Variants in PFKP observed in about 807,000 individuals in gnomAD.
PFKP encodes the protein ATP-dependent 6-phosphofructokinase, platelet type.
PFKP carries 101 observed loss-of-function variants against 94.3 expected under a neutral mutation model. That is an observed-to-expected ratio of 1.07 (90% CI 0.91 to 1.26). The LOEUF is 1.26. Ranked by LOEUF, PFKP falls within the 50% of genes most tolerant of loss-of-function variation. PFKP has a pLI of 0.00. For synonymous variants in PFKP, 573 were observed against 432.6 expected (o/e 1.32, Z -4.03); for missense variants, 1,145 against 1,103.3 (o/e 1.04, Z -0.53).
chr10:3,115,514 CACA>C (rs1836745790), intron 13 of PFKP, among the ~76,000 whole-genome samples: 2 of 145,732 alleles, frequency 1.4e-5, no homozygotes, highest in African/African-American at 2.7e-5. Flanking sequence ...GTGTGTGTCC[CACA>C]GCTGAGGATA....
intron 2 of PFKP, among the ~76,000 whole-genome samples, chr10:3,084,838 AGTCCTCCACCCCCTCCCCAGCACG>A (rs1833385758): frequency 9.5e-6 from 1 of 105,752 alleles, no homozygotes; most frequent in Non-Finnish European, 1.9e-5. Context: ...TCCCAAGCAC[AGTCCTCCACCCCCTCCCCAGCACG>A]GTCCCCCACT....
chr10:3,122,114 C>T (rs776281204), intron 16 of PFKP, among the ~76,000 whole-genome samples: 10 of 152,064 alleles, frequency 6.6e-5, no homozygotes, highest in African/African-American at 1.4e-4. Context: ...TGAGCCACCG[C>T]GCCGGGCCTG....
chr10:3,093,678 C>G (rs967739323), intron 2 of PFKP, among the ~76,000 whole-genome samples: 2 of 121,986 alleles, frequency 1.6e-5, no homozygotes, highest in Admixed American at 1.9e-4. Context: ...GAGTCTTGCT[C>G]TGTCACCCAG....
intron 3 of PFKP, chr10:3,101,081 G>GCC: frequency 8.8e-7 from 1 of 1,138,946 alleles, no homozygotes; most frequent in Non-Finnish European, 1.3e-6. Flanking sequence ...TGACACCGCA[G>GCC]GCTGGTTCCT....
At position 3,101,807 on chromosome 10, in the gene PFKP, A is replaced by G. The variant is rs148437428; in HGVS notation, c.454+253A>G. On this transcript the variant is annotated intron_variant, in intron 4 of 21. Coordinates refer to ENST00000381125, the MANE Select transcript of PFKP (RefSeq NM_002627.5). ...GCTTTATGGAATCCTCACGACAGCC[A>G]TCTAAGCCAGGTTTTAGATCATCCC... 9.2e-5 allele frequency among the ~76,000 whole-genome samples: 14 copies of G among 152,324 alleles called. No individual in the cohort carries two copies. In the East Asian group the frequency reaches 2.7e-3, roughly 29 times the overall value.
chr10:3,132,309 C>CT (rs397780672), intron 17 of PFKP, 71 bp from the exon 18 acceptor site: 11 of 1,145,874 alleles, frequency 9.6e-6, no homozygotes, highest in Non-Finnish European at 1.3e-5. Flanking sequence ...ACTTCCCAGC[C>CT]TGCAGTGCCT....
intron 1 of PFKP, among the ~76,000 whole-genome samples, chr10:3,076,515 A>G (rs1357081233): frequency 6.6e-6 from 1 of 151,924 alleles, no homozygotes; most frequent in African/African-American, 2.4e-5. Context: ...CCGATTGTCA[A>G]TGGCAGCCCC....
intron 4 of PFKP, 146 bp from the exon 5 acceptor site, chr10:3,103,633 A>G (rs903243013): frequency 5.0e-6 from 4 of 806,844 alleles, no homozygotes; most frequent in African/African-American, 3.5e-5. Context: ...TCTCAGAAAA[A>G]TGATAATAAA....
chr10:3,136,663 A>G lies in PFKP; in HGVS notation c.*84A>G. On this transcript the variant is annotated 3_prime_UTR_variant, in exon 22 of 22. Coordinates refer to ENST00000381125, the MANE Select transcript of PFKP (RefSeq NM_002627.5). ...AAGTTATTTTATCAGCACTTTATGC[A>G]CGTATTATTGACATTAATACCTAAT... The G allele has an allele frequency of 6.8e-7, 1 of 1,464,502 alleles. No homozygotes were observed. The highest frequency in any genetic ancestry group is 9.4e-7 in the Non-Finnish European group (1 of 1,065,620). The allele number at this position is 1,464,502 out of a possible 1,614,324, so 90.7% of individuals were successfully genotyped here. A position where few individuals can be genotyped will look rare whatever the true frequency, so the allele number is the denominator to read the frequency against.
At chr10:3,112,692 C>T (rs1025932257) in intron 11 of PFKP, among the ~76,000 whole-genome samples, 4 of 152,138 alleles carry the variant, frequency 2.6e-5, no homozygotes, top group East Asian at 1.9e-4. Flanking sequence ...CAAGTAGCTG[C>T]GACTACCAGC....
intron 17 of PFKP, 53 bp downstream of exon 17, chr10:3,130,036 T>C: frequency 6.7e-7 from 1 of 1,488,924 alleles, no homozygotes. Context: ...CACTGGGTGC[T>C]GCGGAGTGAA....
At chr10:3,134,944 C>T (rs1839054635) in intron 20 of PFKP, among the ~76,000 whole-genome samples, 1 of 152,182 alleles carries the variant, frequency 6.6e-6, no homozygotes, top group African/African-American at 2.4e-5. Flanking sequence ...TGTGACTATC[C>T]ATCAAAACTT....
At chr10:3,096,053 G>C (rs1264797274) in intron 2 of PFKP, among the ~76,000 whole-genome samples, 1 of 152,190 alleles carries the variant, frequency 6.6e-6, no homozygotes, top group African/African-American at 2.4e-5. Context: ...GTGGTTTGCA[G>C]AGCAGTTTTC....
intron 1 of PFKP, among the ~76,000 whole-genome samples, chr10:3,072,912 G>A (rs1478400814): frequency 6.6e-6 from 1 of 152,002 alleles, no homozygotes; most frequent in Admixed American, 6.6e-5. Flanking sequence ...ATAGAACAGA[G>A]GGCCGTATGT....
intron 2 of PFKP, among the ~76,000 whole-genome samples, chr10:3,094,499 G>A (rs1347892775): frequency 2.0e-5 from 3 of 152,192 alleles, no homozygotes; most frequent in Admixed American, 2.0e-4. Context: ...TGCTTTGCTG[G>A]GGTGATTGGT....
intron 15 of PFKP, 130 bp from the exon 16 acceptor site, chr10:3,119,762 G>GTGGTCGTCGGATCATTAAAAAAAA: frequency 1.5e-6 from 1 of 664,016 alleles, no homozygotes; most frequent in Non-Finnish European, 2.6e-6. Context: ...GTTGATCTCG[G>GTGGTCGTCGGATCATTAAAAAAAA]AGTGTTTTCG....
chr10:3,112,505 A>G (rs146407031), intron 11 of PFKP, among the ~76,000 whole-genome samples: 4 of 152,330 alleles, frequency 2.6e-5, no homozygotes, highest in African/African-American at 9.6e-5. Flanking sequence ...TGGTAAGGTG[A>G]TGGTTGTTTA....
chr10:3,128,466 T>C (rs1445264514), intron 16 of PFKP, among the ~76,000 whole-genome samples: 1 of 151,404 alleles, frequency 6.6e-6, no homozygotes, highest in Admixed American at 6.6e-5. Context: ...CCGTGGCCGC[T>C]GTGACACTGA....
intron 1 of PFKP, among the ~76,000 whole-genome samples, chr10:3,071,028 G>T (rs1336188280): frequency 6.6e-6 from 1 of 152,078 alleles, no homozygotes; most frequent in East Asian, 1.9e-4. Flanking sequence ...TGGGACTACA[G>T]ACATGAGCCA....
Sources: gnomAD v4.1 joint callset for allele counts (sites outside exome capture counted in the v4.1 genomes callset) on GRCh38, gnomAD v4.1.1 for gene constraint, MANE v1.5 for transcripts, NCBI Gene and HGNC (gene_info 2026-07-23, HGNC 2026-07-21) for gene names.